Variants in EIF3I observed in about 807,000 individuals in gnomAD.
EIF3I encodes TGF-beta receptor-interacting protein 1.
EIF3I carries 20 observed loss-of-function variants against 43.3 expected under a neutral mutation model. That is an observed-to-expected ratio of 0.46 (90% CI 0.32 to 0.67). The LOEUF is 0.67. Ranked by LOEUF, EIF3I falls within the 30% of genes least tolerant of loss-of-function variation. The pLI is 0.03. For synonymous variants in EIF3I, 167 were observed against 151.7 expected (o/e 1.10, Z -0.74); for missense variants, 279 against 421.4 (o/e 0.66, Z 2.96).
chr1:32,231,364 G>A (rs529123390), downstream of EIF3I: 30 of 561,798 alleles, frequency 5.3e-5, no homozygotes, highest in African/African-American at 3.6e-4. Flanking sequence ...GGTGGCACAC[G>A]CCTATAGTCC....
At chr1:32,225,030 C>T (rs1639121323) in intron 4 of EIF3I, among the ~76,000 whole-genome samples, 2 of 152,184 alleles carry the variant, frequency 1.3e-5, no homozygotes, top group Admixed American at 1.3e-4. Flanking sequence ...GACAGGGTTT[C>T]ACCATGTTGG....
downstream of EIF3I, among the ~76,000 whole-genome samples, chr1:32,233,750 T>C (rs1639267888): frequency 6.6e-6 from 1 of 152,212 alleles, no homozygotes; most frequent in South Asian, 2.1e-4. Context: ...ACAATCGACC[T>C]TGCAAAGTGG....
exon 3 of EIF3I, chr1:32,224,078 C>T: frequency 1.2e-6 from 2 of 1,614,130 alleles, no homozygotes; most frequent in Non-Finnish European, 1.7e-6. Context: ...GGCTGGGCAC[C>T]TACATGGGCC....
intron 9 of EIF3I, among the ~76,000 whole-genome samples, chr1:32,229,691 C>T (rs1397418317): frequency 6.6e-6 from 1 of 151,772 alleles, no homozygotes; most frequent in African/African-American, 2.4e-5. Flanking sequence ...GCTGGGATTA[C>T]AGGCACCCAT....
downstream of EIF3I, among the ~76,000 whole-genome samples, chr1:32,233,299 C>T (rs988288525): frequency 5.3e-5 from 8 of 152,144 alleles, no homozygotes; most frequent in East Asian, 5.8e-4. Context: ...GGACTACAGG[C>T]GGGTGCCAAC....
At chr1:32,225,946 G>A (rs1046997353) in intron 4 of EIF3I, among the ~76,000 whole-genome samples, 12 of 151,928 alleles carry the variant, frequency 7.9e-5, no homozygotes, top group African/African-American at 2.4e-4. Context: ...GCGTGAACCC[G>A]GGAGGCGGAG....
intron 4 of EIF3I, 143 bp from the exon 5 acceptor site, chr1:32,226,028 A>G (rs74686229): frequency 2.9e-6 from 2 of 699,530 alleles, no homozygotes; most frequent in Non-Finnish European, 4.0e-6. Flanking sequence ...CTCAAAAAAG[A>G]AAAAAAAAAA....
chr1:32,223,733 G>C (rs1340248069), intron 2 of EIF3I, among the ~76,000 whole-genome samples: 1 of 152,226 alleles, frequency 6.6e-6, no homozygotes, highest in Non-Finnish European at 1.5e-5. Context: ...CAGAGATACT[G>C]TTTTTCTGGA....
chr1:32,228,488 TC>T lies in EIF3I; in HGVS notation c.529-9del, dbSNP rs760858400. ...TGGGCCCATTCAGTGTCACTCTTCT[TC>T]CTTCCCTAGTCTGGAGAGGTGTTGG... is the stretch of plus-strand genomic sequence containing the variant. On this transcript the variant is annotated splice_polypyrimidine_tract_variant and intron_variant, in intron 6 of 11. Transcript: ENST00000676679. 45 of 1,612,438 alleles carry T rather than the reference TC, an allele frequency of 2.8e-5. No homozygotes were observed. Among genetic ancestry groups the T allele is most frequent in the Non-Finnish European group, 3.6e-5 (42 of 1,178,588 alleles).
intron 2 of EIF3I, 135 bp from the exon 3 acceptor site, chr1:32,223,899 C>G: frequency 1.3e-6 from 1 of 748,008 alleles, no homozygotes; most frequent in Non-Finnish European, 2.3e-6. Context: ...TTTACCAGCT[C>G]CCTGCTGTTT....
In EIF3I at chr1:32,231,025, G is replaced by A; in HGVS notation, c.1007+6G>A. ...TTCCATCCTGATGGCAAGAGGTAGG[G>A]TACCAGTGAAGCAGCTGACCTAAGC... On this transcript the variant is annotated splice_donor_region_variant and intron_variant, in intron 11 of 11. Transcript: ENST00000676679. 6.2e-7 allele frequency: 1 copy of A among 1,613,636 alleles called. No homozygotes were observed. Among genetic ancestry groups the A allele is most frequent in the East Asian group, 2.2e-5 (1 of 44,868 alleles).
At chr1:32,230,825 A>G in intron 10 of EIF3I, 102 bp from the exon 10 acceptor site, 1 of 865,914 alleles carries the variant, frequency 1.2e-6, no homozygotes, top group Non-Finnish European at 1.8e-6. Flanking sequence ...CTCCATCTCA[A>G]AATAAATAAA....
downstream of EIF3I, chr1:32,234,291 C>T (rs1196965918): frequency 7.5e-6 from 1 of 132,482 alleles, no homozygotes; most frequent in African/African-American, 3.1e-5. Flanking sequence ...GGTGACAGAG[C>T]GAGACTTCAT....
At chr1:32,222,655 G>C in intron 2 of EIF3I, 25 bp downstream of exon 2, 1 of 1,607,296 alleles carries the variant, frequency 6.2e-7, no homozygotes, top group Non-Finnish European at 8.5e-7. Context: ...GAGGGGGTCC[G>C]GGAGGGGCGG....
chr1:32,224,000 G>A, intron 2 of EIF3I, 34 bp from the exon 3 acceptor site: 2 of 1,605,400 alleles, frequency 1.2e-6, no homozygotes, highest in South Asian at 1.1e-5. Context: ...GCTCTTACTG[G>A]GATGTGTACT....
intron 2 of EIF3I, among the ~76,000 whole-genome samples, chr1:32,223,030 A>T (rs1246042994): frequency 6.6e-6 from 1 of 152,206 alleles, no homozygotes; most frequent in South Asian, 2.1e-4. Flanking sequence ...GTGAGCTGAG[A>T]TCGTGCCACT....
At chr1:32,231,247 C>CTTT (rs749108622) in exon 12 of EIF3I, 1 of 1,502,372 alleles carries the variant, frequency 6.7e-7, no homozygotes, top group South Asian at 1.2e-5. Flanking sequence ...AATCCCACCA[C>CTTT]TTTTTTTTTA....
chr1:32,229,396 C>T (rs1639198522), intron 9 of EIF3I, among the ~76,000 whole-genome samples, 188 bp downstream of exon 9: 1 of 151,920 alleles, frequency 6.6e-6, no homozygotes, highest in Non-Finnish European at 1.5e-5. Flanking sequence ...AGGCGCCCAC[C>T]ACCATGCCTG....
At chr1:32,231,477 G>T, downstream of EIF3I, 1 of 254,452 alleles carries the variant, frequency 3.9e-6, no homozygotes. Flanking sequence ...AGCCACAAGA[G>T]CAAAACTCCG....
Sources: allele counts gnomAD v4.1 joint callset (sites outside exome capture counted in the v4.1 genomes callset), GRCh38; gene constraint gnomAD v4.1.1; transcripts MANE v1.5; gene names NCBI Gene and HGNC (gene_info 2026-07-23, HGNC 2026-07-21).